The following SYT1 variants were observed in gnomAD, a reference collection of about 807,000 sequenced individuals.
SYT1 encodes synaptotagmin 1, also known as synaptotagmin-1.
SYT1 carries 8 observed loss-of-function variants against 44.8 expected under a neutral mutation model. That is an observed-to-expected ratio of 0.18 (90% CI 0.10 to 0.32). The LOEUF is 0.32. Ranked by LOEUF, SYT1 falls within the 10% of genes least tolerant of loss-of-function variation. SYT1 has a pLI of 1.00. For missense variants in SYT1, 286 were observed against 509.3 expected (o/e 0.56, Z 4.22); for synonymous variants, 154 against 188.8 (o/e 0.82, Z 1.51).
chr12:79,080,668 A>G (rs17046349), intron 3 of SYT1, among the ~76,000 whole-genome samples: 3,429 of 152,256 alleles, frequency 0.023, 115 homozygotes, highest in South Asian at 0.11. Context: ...TACTGGCTCC[A>G]ATATAAATTA....
At chr12:78,992,929 G>A (rs765469796) in intron 2 of SYT1, among the ~76,000 whole-genome samples, 4 of 152,140 alleles carry the variant, frequency 2.6e-5, no homozygotes, top group Non-Finnish European at 5.9e-5. Context: ...CTGTGTTTAG[G>A]TATCTTTCCT....
chr12:79,322,576 A>G (rs1031646238), intron 8 of SYT1, among the ~76,000 whole-genome samples: 4 of 152,098 alleles, frequency 2.6e-5, no homozygotes, highest in East Asian at 1.9e-4. Context: ...TTAATGTGCT[A>G]TGGAAGCCAT....
Position 79,125,260 on chromosome 12 carries a change from T to C in SYT1, c.-18+77898T>C, listed in dbSNP as rs4567536. On this transcript the variant is annotated intron_variant, in intron 3 of 10. Transcript: ENST00000261205. ...AATAACGTACCTATTTATTTTTCTG[T>C]TTTCTTCTTGCTACTTCAGAACTTT... 1.1e-4 allele frequency among the ~76,000 whole-genome samples: 16 copies of C among 152,186 alleles called. No homozygotes were observed. The East Asian group carries it at 3.1e-3, about 29-fold the overall frequency.
At chr12:78,905,232 C>A (rs1431652541) in intron 1 of SYT1, among the ~76,000 whole-genome samples, 1 of 152,132 alleles carries the variant, frequency 6.6e-6, no homozygotes, top group Non-Finnish European at 1.5e-5. Flanking sequence ...TTATCTGGGG[C>A]CAGCCCATAG....
At chr12:79,190,545 C>T (rs187783899) in intron 3 of SYT1, among the ~76,000 whole-genome samples, 2 of 152,220 alleles carry the variant, frequency 1.3e-5, no homozygotes, top group Non-Finnish European at 1.5e-5. Flanking sequence ...ATTGCAATCT[C>T]CATGTTACCA....
intron 1 of SYT1, among the ~76,000 whole-genome samples, chr12:78,870,453 T>C (rs1387138057): frequency 1.3e-5 from 2 of 152,278 alleles, no homozygotes; most frequent in African/African-American, 2.4e-5. Context: ...TAATTGTGTC[T>C]TATTTCCTGT....
intron 3 of SYT1, among the ~76,000 whole-genome samples, chr12:79,085,763 T>C (rs1489378002): frequency 1.3e-5 from 2 of 152,132 alleles, no homozygotes; most frequent in African/African-American, 4.8e-5. Context: ...CTGTTTTGAC[T>C]CCTACAGTCC....
At chr12:79,174,080 T>C (rs149861059) in intron 3 of SYT1, among the ~76,000 whole-genome samples, 1 of 152,042 alleles carries the variant, frequency 6.6e-6, no homozygotes, top group East Asian at 1.9e-4. Flanking sequence ...AAGAGAAGTT[T>C]TGGAAAATGG....
rs71441943 is a variant in SYT1 at position 78,948,953 on chromosome 12, C to CTATTATATTA, written c.-216-28810_-216-28801dup. On this transcript the variant is annotated intron_variant, in intron 1 of 10. Coordinates refer to ENST00000261205, the MANE Select transcript of SYT1 (RefSeq NM_005639.3). The stretch of plus-strand genomic sequence containing the variant: ...CTTTTTCTGTAGCAAAAATCAAGGC[C>CTATTATATTA]TATTATATTATATTATATTATATTA... Among the ~76,000 whole-genome samples, 485 of 142,486 alleles carry CTATTATATTA rather than the reference C, an allele frequency of 3.4e-3. 3 individuals carry two copies. The highest frequency in any genetic ancestry group is 7.2e-3 in the Middle Eastern group (2 of 276). 93.5% of individuals were successfully genotyped at this position (142,486 alleles called of 152,430 possible). A position where few individuals can be genotyped will look rare whatever the true frequency, so the allele number is the denominator to read the frequency against.
Position 79,351,197 on chromosome 12 carries a change from C to T in SYT1, c.811-2305C>T, listed in dbSNP as rs181530944. Among the ~76,000 whole-genome samples the T allele has an allele frequency of 4.9e-3, 753 of 152,294 alleles. 26 individuals carry two copies. Among genetic ancestry groups the T allele is most frequent in the Admixed American group, 0.046 (699 of 15,298 alleles). On this transcript the variant is annotated intron_variant, in intron 8 of 10. Transcript: ENST00000261205. ...CCCATAACTTTAAAATTACAAGTAACATCACAGATTTCTCCTGCTTCCGAG... is the reference window on the plus strand; with the variant it reads ...CCCATAACTTTAAAATTACAAGTAATATCACAGATTTCTCCTGCTTCCGAG...
At chr12:79,340,977 T>G (rs1033915291) in intron 8 of SYT1, among the ~76,000 whole-genome samples, 93 of 152,324 alleles carry the variant, frequency 6.1e-4, no homozygotes, top group Non-Finnish European at 9.7e-4. Flanking sequence ...TAATGACACC[T>G]ACAATTTTAT....
At chr12:79,201,936 A>G (rs933276556) in intron 3 of SYT1, among the ~76,000 whole-genome samples, 35 of 152,130 alleles carry the variant, frequency 2.3e-4, no homozygotes, top group African/African-American at 7.5e-4. Context: ...TTGATCAGTA[A>G]GTATGAAAAA....
intron 1 of SYT1, among the ~76,000 whole-genome samples, chr12:78,971,956 T>A (rs1868412709): frequency 6.6e-6 from 1 of 152,136 alleles, no homozygotes; most frequent in African/African-American, 2.4e-5. Flanking sequence ...TTACAAAATA[T>A]TTCAGGAGGT....
At chr12:79,035,359 T>A (rs1181020867) in intron 2 of SYT1, among the ~76,000 whole-genome samples, 1 of 151,714 alleles carries the variant, frequency 6.6e-6, no homozygotes, top group African/African-American at 2.4e-5. Flanking sequence ...TTCACCAACA[T>A]CCTCCATCCT....
intron 9 of SYT1, among the ~76,000 whole-genome samples, chr12:79,397,304 A>C (rs1884905856): frequency 1.3e-5 from 2 of 152,086 alleles, no homozygotes; most frequent in African/African-American, 4.8e-5. Flanking sequence ...ATCACGGCTC[A>C]CTGCAGTCTC....
At chr12:79,207,263 G>A (rs539976972) in intron 3 of SYT1, among the ~76,000 whole-genome samples, 1 of 152,268 alleles carries the variant, frequency 6.6e-6, no homozygotes, top group Admixed American at 6.5e-5. Context: ...CTATCGATGG[G>A]CACACACTGG....
chr12:78,882,196 T>C (rs138321699), intron 1 of SYT1, among the ~76,000 whole-genome samples: 122 of 151,850 alleles, frequency 8.0e-4, no homozygotes, highest in African/African-American at 2.7e-3. Context: ...ATAAGATGCA[T>C]AGGCGATTGA....
At chr12:79,046,740 T>G (rs1330516950) in intron 2 of SYT1, among the ~76,000 whole-genome samples, 3 of 152,008 alleles carry the variant, frequency 2.0e-5, no homozygotes, top group Non-Finnish European at 4.4e-5. Context: ...TTTAAATACA[T>G]GTATGTTTAT....
rs185569862 is a variant in SYT1, at chr12:78,871,379, G to A, written c.-217+6270G>A. Among the ~76,000 whole-genome samples the A allele has an allele frequency of 1.1e-3, 160 of 152,036 alleles. 2 individuals are homozygous for A. The highest frequency in any genetic ancestry group is 4.4e-5 in the Non-Finnish European group (3 of 67,918). On this transcript the variant is annotated intron_variant, in intron 1 of 10. Transcript: ENST00000261205. ...CTCACTAAAATATCAATTTTGAATTGTCTGCTCTCTCTTTGAGAAGGAGAA... is the reference window on the plus strand; with the variant it reads ...CTCACTAAAATATCAATTTTGAATTATCTGCTCTCTCTTTGAGAAGGAGAA...
Sources: gnomAD v4.1 joint callset for allele counts (sites outside exome capture counted in the v4.1 genomes callset) on GRCh38, gnomAD v4.1.1 for gene constraint, MANE v1.5 for transcripts, NCBI Gene and HGNC (gene_info 2026-07-23, HGNC 2026-07-21) for gene names.